The following SPIN1 variants were observed in gnomAD, a reference collection of about 807,000 sequenced individuals.
SPIN1 encodes spindlin-1.
Under a neutral mutation model 26.0 loss-of-function variants are expected in SPIN1, and 3 were observed. That is an observed-to-expected ratio of 0.12 (90% CI 0.05 to 0.30). The LOEUF (loss-of-function observed/expected upper bound fraction) is 0.30, where lower values mean the gene tolerates loss of function less well. SPIN1 is among the 10% of genes least tolerant of loss of function. The probability of loss-of-function intolerance (pLI) is 1.00; values close to 1 mark genes in which losing one functional copy is unlikely to be tolerated. For missense variants in SPIN1, 126 were observed against 333.4 expected, an observed-to-expected ratio of 0.38 and a Z score of 4.84; for synonymous variants, 101 against 116.5, an observed-to-expected ratio of 0.87 and a Z score of 0.86.
chr9:88,438,912 A>G (rs1587799222), intron 2 of SPIN1, among the ~76,000 whole-genome samples: 1 of 152,184 alleles, frequency 6.6e-6, no homozygotes, highest in South Asian at 2.1e-4. Context: ...AACCATGTCA[A>G]TTTATATGAT....
intron 1 of SPIN1, among the ~76,000 whole-genome samples, chr9:88,420,385 A>G (rs963326548): frequency 6.6e-6 from 1 of 152,224 alleles, no homozygotes; most frequent in Non-Finnish European, 1.5e-5. Context: ...CAACAAAACG[A>G]AACAGAAACA....
At position 88,475,486 on chromosome 9, in the gene SPIN1, AGTCT is replaced by A. The variant is rs1407803128; in HGVS notation, c.*214_*217del. On this transcript the variant is annotated 3_prime_UTR_variant, in exon 6 of 6. Transcript: ENST00000375859. ...AGGAGAACCCCTTTCTTTTAAAAGA[AGTCT>A]GTCTATTTCGAGGGGAGTTACAGGC... 10 of 427,778 alleles carry A rather than the reference AGTCT, an allele frequency of 2.3e-5. No homozygotes were observed. Among genetic ancestry groups the A allele is most frequent in the East Asian group, 1.5e-4 (4 of 26,218 alleles). 26.5% of individuals were successfully genotyped at this position (427,778 alleles called of 1,614,324 possible).
At chr9:88,417,474 CTTAT>C (rs1827591303) in intron 1 of SPIN1, among the ~76,000 whole-genome samples, 3 of 152,000 alleles carry the variant, frequency 2.0e-5, no homozygotes, top group Admixed American at 1.3e-4. Flanking sequence ...TATTTATTTA[CTTAT>C]TTATTTTTTG....
chr9:88,425,104 G>A (rs1587790090), intron 1 of SPIN1, among the ~76,000 whole-genome samples: 1 of 152,138 alleles, frequency 6.6e-6, no homozygotes. Context: ...GGTCAAAGTA[G>A]ACTGCACTTT....
intron 1 of SPIN1, among the ~76,000 whole-genome samples, chr9:88,404,413 T>C (rs1247284549): frequency 1.3e-5 from 2 of 152,182 alleles, no homozygotes; most frequent in African/African-American, 4.8e-5. Context: ...CGAAGACACT[T>C]TTTTCTTGCA....
chr9:88,466,905 T>C (rs753244861), intron 4 of SPIN1, among the ~76,000 whole-genome samples: 1 of 152,004 alleles, frequency 6.6e-6, no homozygotes, highest in Non-Finnish European at 1.5e-5. Context: ...CTGGCTAATT[T>C]TTTGTATTTT....
At chr9:88,472,312 G>A (rs1262449348) in intron 5 of SPIN1, among the ~76,000 whole-genome samples, 1 of 152,102 alleles carries the variant, frequency 6.6e-6, no homozygotes, top group Non-Finnish European at 1.5e-5. Flanking sequence ...TCAGCTCACT[G>A]CAGCCTCTGC....
In SPIN1 at chr9:88,475,582, C is replaced by T. The variant is rs949352452; in HGVS notation, c.*305C>T. 2.1e-5 allele frequency: 5 copies of T among 238,360 alleles called. No homozygotes were observed. The highest frequency in any genetic ancestry group is 4.1e-5 in the Non-Finnish European group (5 of 120,882). 14.8% of individuals were successfully genotyped at this position (238,360 alleles called of 1,614,324 possible). A position where few individuals can be genotyped will look rare whatever the true frequency, so the allele number is the denominator to read the frequency against. On this transcript the variant is annotated 3_prime_UTR_variant, in exon 6 of 6. Coordinates refer to ENST00000375859, the MANE Select transcript of SPIN1 (RefSeq NM_006717.3). ...TTGTAATAGATCTTAACCATTTTCCCCCTCACCCTAACTCTCTTATTCTGC... is the reference window on the plus strand; with the variant it reads ...TTGTAATAGATCTTAACCATTTTCCTCCTCACCCTAACTCTCTTATTCTGC...
chr9:88,466,819 C>G (rs1341868492), intron 4 of SPIN1, among the ~76,000 whole-genome samples: 1 of 152,146 alleles, frequency 6.6e-6, no homozygotes, highest in African/African-American at 2.4e-5. Flanking sequence ...CTCACTGCAG[C>G]CTCGACCTCT....
At chr9:88,429,700 G>A (rs1486473311) in intron 2 of SPIN1, among the ~76,000 whole-genome samples, 5 of 152,130 alleles carry the variant, frequency 3.3e-5, no homozygotes, top group Admixed American at 3.3e-4. Flanking sequence ...TTTTATGGAA[G>A]CTTCATTGTG....
At chr9:88,411,605 C>T in intron 1 of SPIN1, 1 of 545,632 alleles carries the variant, frequency 1.8e-6, no homozygotes, top group Non-Finnish European at 3.2e-6. Context: ...CCTTGGCCTC[C>T]TGGGCTCAAG....
Position 88,475,124 on chromosome 9 carries a change from C to T in SPIN1, c.636C>T (p.Ser212=), listed in dbSNP as rs765228972. 33 of 1,608,926 alleles carry T rather than the reference C, an allele frequency of 2.1e-5. No homozygotes were observed. The highest frequency in any genetic ancestry group is 2.5e-5 in the Non-Finnish European group (29 of 1,179,198). ...AEREPGEVVD[S]LVGKQVEYAK... is the part of the protein sequence containing the mutation. ...GGGAACCAGGAGAAGTTGTGGACAG[C>T]CTGGTAGGCAAACAAGTGGAATATG... Residue 212 remains serine (S), a synonymous_variant, in exon 6 of 6, where the codon AGC becomes AGT. Coordinates refer to ENST00000375859, the MANE Select transcript of SPIN1 (RefSeq NM_006717.3).
chr9:88,469,293 ACCT>A (rs1828732377), intron 5 of SPIN1, among the ~76,000 whole-genome samples: 1 of 152,102 alleles, frequency 6.6e-6, no homozygotes, highest in Non-Finnish European at 1.5e-5. Context: ...GCCGCTGCTC[ACCT>A]CCTGCTGTGC....
intron 1 of SPIN1, among the ~76,000 whole-genome samples, chr9:88,408,250 T>C (rs937284860): frequency 1.3e-5 from 2 of 148,996 alleles, no homozygotes; most frequent in African/African-American, 4.9e-5. Flanking sequence ...ATTTCTGCTA[T>C]CCCCCCTTTA....
At chr9:88,431,274 TTC>T (rs972578412) in intron 2 of SPIN1, among the ~76,000 whole-genome samples, 15 of 151,530 alleles carry the variant, frequency 9.9e-5, no homozygotes, top group African/African-American at 1.5e-4. Flanking sequence ...TAACAAATAT[TTC>T]TCTCTCTCTC....
intron 5 of SPIN1, among the ~76,000 whole-genome samples, chr9:88,470,092 C>G: frequency 6.6e-6 from 1 of 152,194 alleles, no homozygotes. Context: ...GTGCTAGCTT[C>G]TTTCCCTTAG....
intron 2 of SPIN1, among the ~76,000 whole-genome samples, chr9:88,433,411 G>A (rs1448846816): frequency 6.6e-6 from 1 of 151,998 alleles, no homozygotes; most frequent in Non-Finnish European, 1.5e-5. Flanking sequence ...AGCCTTTCTA[G>A]TGTTAGCCTT....
chr9:88,406,585 C>T (rs1827316081), intron 1 of SPIN1, among the ~76,000 whole-genome samples: 1 of 152,154 alleles, frequency 6.6e-6, no homozygotes, highest in Non-Finnish European at 1.5e-5. Flanking sequence ...AGCCACTGTG[C>T]CCAGCCAGTA....
chr9:88,389,617 C>G (rs1826876148), intron 1 of SPIN1, among the ~76,000 whole-genome samples: 1 of 152,178 alleles, frequency 6.6e-6, no homozygotes, highest in African/African-American at 2.4e-5. Context: ...AATCACAAAA[C>G]AATACCAGGA....
Sources: gnomAD v4.1 joint callset for allele counts (sites outside exome capture counted in the v4.1 genomes callset) on GRCh38, gnomAD v4.1.1 for gene constraint, MANE v1.5 for transcripts, NCBI Gene and HGNC (gene_info 2026-07-23, HGNC 2026-07-21) for gene names.